SMCHD1: variants seen among roughly 807,000 people sequenced by gnomAD.
SMCHD1 encodes structural maintenance of chromosomes flexible hinge domain-containing protein 1.
Under a neutral mutation model 254.7 loss-of-function variants are expected in SMCHD1, and 78 were observed. The ratio of observed to expected loss-of-function variants is 0.31; its 90% confidence interval spans 0.26 to 0.37. SMCHD1 has a LOEUF of 0.37. Among genes scored for constraint, SMCHD1 ranks in the 10% least tolerant of loss-of-function variants. SMCHD1 has a pLI of 1.00. For synonymous variants in SMCHD1, 766 were observed against 794.9 expected (o/e 0.96, Z 0.61); for missense variants, 1,840 against 2,408.1 (o/e 0.76, Z 4.94).
chr18:2,666,223 G>T lies in SMCHD1; in HGVS notation c.253G>T (p.Asp85Tyr). ...TTTSRKEITC[D>Y]NFDETVKDGV... ...AACAAGTAGGAAAGAAATTACCTGT[G>T]ATAATTTTGGTAGGTAAACAGTGTT... The change falls in exon 2 of 48, where the codon GAT becomes TAT. Residue 85 changes from aspartate to tyrosine, a missense_variant. Coordinates refer to ENST00000320876, the MANE Select transcript of SMCHD1 (RefSeq NM_015295.3). The T allele has an allele frequency of 6.6e-7, 1 of 1,514,034 alleles. No individual in the cohort carries two copies. Among genetic ancestry groups the T allele is most frequent in the South Asian group, 1.2e-5 (1 of 84,832 alleles). The allele number at this position is 1,514,034 out of a possible 1,614,324, so 93.8% of individuals were successfully genotyped here.
At chr18:2,669,729 A>T (rs922749679) in intron 3 of SMCHD1, among the ~76,000 whole-genome samples, 2 of 152,174 alleles carry the variant, frequency 1.3e-5, no homozygotes, top group African/African-American at 4.8e-5. Flanking sequence ...GTCCAGTTTT[A>T]TCCATCCAGC....
At chr18:2,723,146 T>C (rs2074960180) in intron 20 of SMCHD1, among the ~76,000 whole-genome samples, 1 of 152,230 alleles carries the variant, frequency 6.6e-6, no homozygotes, top group African/African-American at 2.4e-5. Context: ...CCATTGAATT[T>C]TTCCTTTCTG....
chr18:2,679,798 T>C (rs996707409), intron 5 of SMCHD1, among the ~76,000 whole-genome samples: 13 of 152,166 alleles, frequency 8.5e-5, no homozygotes, highest in Non-Finnish European at 1.9e-4. Flanking sequence ...GCCATTTTTT[T>C]CTCTAAGTAT....
At chr18:2,664,670 G>A (rs919396324) in intron 1 of SMCHD1, among the ~76,000 whole-genome samples, 1 of 152,210 alleles carries the variant, frequency 6.6e-6, no homozygotes, top group African/African-American at 2.4e-5. Flanking sequence ...TGGGAGGCAC[G>A]TGATGTGTGG....
chr18:2,778,212 G>C lies in SMCHD1; in HGVS notation c.5520G>C (p.Leu1840=), dbSNP rs2076097979. The C allele has an allele frequency of 6.2e-7, 1 of 1,609,558 alleles. No individual in the cohort carries two copies. Among genetic ancestry groups the C allele is most frequent in the Non-Finnish European group, 8.5e-7 (1 of 1,177,508 alleles). Residue 1840 remains leucine, a synonymous_variant, in exon 44 of 48, where the codon CTG becomes CTC. Transcript: ENST00000320876. ...GAGACACCATTATTTTGGATAATCT[G>C]GATGCGGCCAATCATTATAGAAAAG... is the stretch of plus-strand genomic sequence containing the variant. ...LLGDTIILDN[L]DAANHYRKEV...
intron 37 of SMCHD1, among the ~76,000 whole-genome samples, chr18:2,769,273 A>G (rs1231521100): frequency 1.3e-5 from 2 of 152,152 alleles, no homozygotes; most frequent in African/African-American, 4.8e-5. Flanking sequence ...GCTGTAACTT[A>G]AACTCAGCAT....
In SMCHD1 at chr18:2,656,127, GAGGATGGCGGA is replaced by G; in HGVS notation, c.53_63del (p.Glu18GlyfsTer11). 1 of 1,487,236 alleles carries G rather than the reference GAGGATGGCGGA, an allele frequency of 6.7e-7. No homozygotes were observed. Among genetic ancestry groups the G allele is most frequent in the Non-Finnish European group, 8.9e-7 (1 of 1,120,656 alleles). The allele number at this position is 1,487,236 out of a possible 1,614,324, so 92.1% of individuals were successfully genotyped here. ...TGGTGGGGCCTCTGTGGGGACTGAG[GAGGATGGCGGA>G]GGCGTCGGCCACAGGACGGTGTACT... On this transcript the variant is annotated frameshift_variant, in exon 1 of 48. Transcript: ENST00000320876. LOFTEE classifies it high-confidence loss of function.
At position 2,700,524 on chromosome 18, in the gene SMCHD1, G is replaced by A. The variant is rs775743955; in HGVS notation, c.1343-15G>A. Reference sequence around the variant, plus strand: ...TAGCAATAAACATTTTGTTCCATTTGCCCTTTTGATCTAGAATTAAAAGAT... The same window carrying A: ...TAGCAATAAACATTTTGTTCCATTTACCCTTTTGATCTAGAATTAAAAGAT... On this transcript the variant is annotated splice_polypyrimidine_tract_variant and intron_variant, in intron 10 of 47. Transcript: ENST00000320876. 1.0e-5 allele frequency: 16 copies of A among 1,591,740 alleles called. No homozygotes were observed. Among genetic ancestry groups the A allele is most frequent in the Middle Eastern group, 1.7e-4 (1 of 5,924 alleles).
In SMCHD1 at chr18:2,777,833, A is replaced by G; in HGVS notation, c.5394A>G (p.Lys1798=). 6.5e-7 allele frequency: 1 copy of G among 1,542,446 alleles called. No homozygotes were observed. Among genetic ancestry groups the G allele is most frequent in the Non-Finnish European group, 8.8e-7 (1 of 1,141,688 alleles). Residue 1798 remains lysine (K), a synonymous_variant, in exon 43 of 48, where the codon AAA becomes AAG. Coordinates refer to ENST00000320876, the MANE Select transcript of SMCHD1 (RefSeq NM_015295.3). ...CTCTACCTCATTTCCGAAATGGAAA[A>G]TTGTATTTTAAACCCATTGGAGATC... is the stretch of plus-strand genomic sequence containing the variant. The part of the protein sequence containing the change: ...KRSLPHFRNG[K]LYFKPIGDPV...
In SMCHD1 at chr18:2,655,937, C is replaced by G. The variant is rs139172957; in HGVS notation, c.-139C>G. 1.6e-3 allele frequency: 941 copies of G among 583,576 alleles called. 21 individuals carry two copies. In the East Asian group the frequency reaches 0.031, roughly 19 times the overall value. The allele number at this position is 583,576 out of a possible 1,614,324, so 36.1% of individuals were successfully genotyped here. On this transcript the variant is annotated 5_prime_UTR_variant, in exon 1 of 48. Coordinates refer to ENST00000320876, the MANE Select transcript of SMCHD1 (RefSeq NM_015295.3). ...GCCTGCCGCTGCTCGGCCGCCGCCG[C>G]TGACGAGGAGCTGCAGCGCGCCGGG... is the stretch of plus-strand genomic sequence containing the variant.
chr18:2,694,849 CA>C (rs2074253652), intron 8 of SMCHD1, among the ~76,000 whole-genome samples, 156 bp downstream of exon 8: 1 of 152,160 alleles, frequency 6.6e-6, no homozygotes, highest in Admixed American at 6.5e-5. Flanking sequence ...GGTGTTAAAA[CA>C]GCTCTCTATT....
At chr18:2,797,018 T>C (rs1235891245) in intron 47 of SMCHD1, among the ~76,000 whole-genome samples, 1 of 152,242 alleles carries the variant, frequency 6.6e-6, no homozygotes, top group African/African-American at 2.4e-5. Context: ...GGATACTCAA[T>C]CTTCTAAATA....
intron 1 of SMCHD1, among the ~76,000 whole-genome samples, chr18:2,661,442 A>G (rs1478980774): frequency 6.6e-6 from 1 of 152,222 alleles, no homozygotes; most frequent in Non-Finnish European, 1.5e-5. Flanking sequence ...GGTTTTTAAT[A>G]TGGATTAGAA....
intron 28 of SMCHD1, among the ~76,000 whole-genome samples, chr18:2,741,729 T>TA (rs1288810724): frequency 6.6e-6 from 1 of 152,170 alleles, no homozygotes; most frequent in Non-Finnish European, 1.5e-5. Context: ...GCGCTCCTGT[T>TA]ATGAATAAAC....
At chr18:2,790,117 G>A (rs1216324731) in intron 45 of SMCHD1, among the ~76,000 whole-genome samples, 1 of 152,228 alleles carries the variant, frequency 6.6e-6, no homozygotes, top group Admixed American at 6.5e-5. Flanking sequence ...AGGAGGCGGA[G>A]CTTGCAGTGA....
chr18:2,672,458 C>T (rs1435813958), intron 3 of SMCHD1, among the ~76,000 whole-genome samples: 1 of 152,082 alleles, frequency 6.6e-6, no homozygotes, highest in Non-Finnish European at 1.5e-5. Flanking sequence ...AAACTCCTGA[C>T]CTCATGTCAT....
intron 45 of SMCHD1, among the ~76,000 whole-genome samples, chr18:2,794,390 G>A (rs1568404715): frequency 1.3e-5 from 2 of 152,072 alleles, no homozygotes; most frequent in South Asian, 2.1e-4. Context: ...CCTGTAATCC[G>A]AGCTATTCAC....
At chr18:2,670,940 C>CTTTTTTT (rs1235079896) in intron 3 of SMCHD1, among the ~76,000 whole-genome samples, 1 of 124,502 alleles carries the variant, frequency 8.0e-6, no homozygotes, top group African/African-American at 3.3e-5. Flanking sequence ...TCTTTTAATT[C>CTTTTTTT]TTTTTTTTTT....
chr18:2,676,415 G>C (rs368159138), intron 5 of SMCHD1, among the ~76,000 whole-genome samples: 1 of 152,152 alleles, frequency 6.6e-6, no homozygotes, highest in South Asian at 2.1e-4. Flanking sequence ...GTTGAGGCTT[G>C]AATGATCAGA....
Sources: gnomAD v4.1 joint callset for allele counts (sites outside exome capture counted in the v4.1 genomes callset) on GRCh38, gnomAD v4.1.1 for gene constraint, MANE v1.5 for transcripts, NCBI Gene and HGNC (gene_info 2026-07-23, HGNC 2026-07-21) for gene names.